The following SAP130 variants were observed in gnomAD, a reference collection of about 807,000 sequenced individuals.
The protein encoded by SAP130 is Sin3A associated protein 130.
In SAP130, 16 loss-of-function variants were observed where a neutral mutation model predicts 103.2. That is an observed-to-expected ratio of 0.16 (90% confidence interval 0.10 to 0.24). The LOEUF (loss-of-function observed/expected upper bound fraction) is 0.24. Among genes scored for constraint, SAP130 ranks in the 10% least tolerant of loss-of-function variants. The pLI is 1.00. For missense variants in SAP130, 990 were observed against 1,359.7 expected (o/e 0.73, Z 4.28); for synonymous variants, 477 against 497.0 (o/e 0.96, Z 0.53).
At chr2:127,984,122 G>C (rs1019352665) in intron 14 of SAP130, among the ~76,000 whole-genome samples, 1 of 151,654 alleles carries the variant, frequency 6.6e-6, no homozygotes, top group African/African-American at 2.4e-5. Context: ...TTTGTTCCAC[G>C]TTTGAGATTT....
intron 7 of SAP130, among the ~76,000 whole-genome samples, chr2:128,003,778 G>A (rs1683745375): frequency 6.6e-6 from 1 of 151,868 alleles, no homozygotes; most frequent in Non-Finnish European, 1.5e-5. Context: ...CGTTTGAGAT[G>A]AGAAGTGTTT....
chr2:128,008,937 A>T (rs902179104), intron 7 of SAP130, among the ~76,000 whole-genome samples: 4 of 151,968 alleles, frequency 2.6e-5, no homozygotes, highest in African/African-American at 9.7e-5. Flanking sequence ...CTCCTGCCTC[A>T]GCCTCCCAAA....
chr2:127,988,543 A>C (rs1281844997), intron 13 of SAP130, among the ~76,000 whole-genome samples: 1 of 152,028 alleles, frequency 6.6e-6, no homozygotes, highest in Non-Finnish European at 1.5e-5. Context: ...ATGGAATCTT[A>C]AATTCAGCCA....
At chr2:127,999,877 C>A in intron 9 of SAP130, 32 bp from the exon 10 acceptor site, 8 of 1,471,012 alleles carry the variant, frequency 5.4e-6, no homozygotes, top group Non-Finnish European at 7.3e-6. Flanking sequence ...AATTCTTTAA[C>A]AAGAACTTCT....
intron 7 of SAP130, among the ~76,000 whole-genome samples, chr2:128,002,433 G>T (rs892110233): frequency 6.6e-6 from 1 of 152,012 alleles, no homozygotes; most frequent in African/African-American, 2.4e-5. Context: ...AGAGGCTGAG[G>T]GAGGAGAATC....
chr2:128,026,441 A>T, intron 1 of SAP130, 143 bp from the exon 2 acceptor site: 1 of 606,968 alleles, frequency 1.6e-6, no homozygotes, highest in Non-Finnish European at 3.0e-6. Context: ...ATAACTTGGG[A>T]TCAATATAAA....
rs916124096 is a variant in SAP130, at chr2:128,028,038, A to C, written c.-105T>G. On this transcript the variant is annotated 5_prime_UTR_variant, in exon 1 of 21. Coordinates refer to ENST00000643581, the MANE Select transcript of SAP130 (RefSeq NM_001330301.2). The stretch of plus-strand genomic sequence containing the variant: ...GTCCCCAGGCTCCGGACCCGCAGCC[A>C]CCGCCGGGGAGCTAGCACTCTGCCC... The C allele has an allele frequency of 1.1e-6, 1 of 941,392 alleles. No individual in the cohort carries two copies. Among genetic ancestry groups the C allele is most frequent in the African/African-American group, 1.8e-5 (1 of 56,314 alleles). The allele number at this position is 941,392 out of a possible 1,614,324, so 58.3% of individuals were successfully genotyped here.
chr2:127,985,882 C>T (rs748169876), intron 14 of SAP130, among the ~76,000 whole-genome samples: 7 of 151,680 alleles, frequency 4.6e-5, no homozygotes, highest in East Asian at 2.0e-4. Flanking sequence ...AGCAGCTGGA[C>T]GGCGAGAGGA....
At chr2:128,011,535 C>A (rs2105171888) in intron 6 of SAP130, among the ~76,000 whole-genome samples, 1 of 152,302 alleles carries the variant, frequency 6.6e-6, no homozygotes, top group South Asian at 2.1e-4. Flanking sequence ...GGCTACAGCA[C>A]CAGCTTCCTC....
At chr2:127,974,779 C>G (rs1315420301) in intron 15 of SAP130, among the ~76,000 whole-genome samples, 1 of 152,210 alleles carries the variant, frequency 6.6e-6, no homozygotes, top group Admixed American at 6.5e-5. Context: ...AGCTACTGCA[C>G]TCTAGCCTGG....
intron 2 of SAP130, among the ~76,000 whole-genome samples, chr2:128,021,456 A>AC (rs1258375917): frequency 1.3e-5 from 2 of 151,902 alleles, no homozygotes; most frequent in Non-Finnish European, 1.5e-5. Flanking sequence ...CAAAAAAAAA[A>AC]AAAAACAAAA....
At position 127,978,071 on chromosome 2, in the gene SAP130, G is replaced by A; in HGVS notation, c.1977C>T (p.Thr659=). ...PATDGMAVRK[T]LIPPQPPDVA... ...CATCAGGAGGCTGAGGAGGAATGAGGGTTTTCCGAACTGCCATTCTGAAAG... is the reference window on the plus strand; with the variant it reads ...CATCAGGAGGCTGAGGAGGAATGAGAGTTTTCCGAACTGCCATTCTGAAAG... The change falls in exon 15 of 21, where the codon ACC becomes ACT. Residue 659 remains threonine, a synonymous_variant. Transcript: ENST00000643581. 3.2e-6 allele frequency: 5 copies of A among 1,551,612 alleles called. No homozygotes were observed. The highest frequency in any genetic ancestry group is 3.5e-6 in the Non-Finnish European group (4 of 1,146,940).
intron 15 of SAP130, among the ~76,000 whole-genome samples, chr2:127,967,128 C>T (rs1350720090): frequency 6.6e-6 from 1 of 152,136 alleles, no homozygotes; most frequent in African/African-American, 2.4e-5. Flanking sequence ...TGAGCAGTTA[C>T]TAATTAAAGG....
intron 14 of SAP130, among the ~76,000 whole-genome samples, chr2:127,984,943 C>A (rs1461494227): frequency 6.6e-6 from 1 of 152,190 alleles, no homozygotes; most frequent in Non-Finnish European, 1.5e-5. Context: ...AAGGACAGAG[C>A]CCCTTCCTTC....
At chr2:128,010,430 A>G in intron 6 of SAP130, 37 bp from the exon 7 acceptor site, 1 of 1,587,584 alleles carries the variant, frequency 6.3e-7, no homozygotes, top group Non-Finnish European at 8.6e-7. Context: ...TTAAAACAAA[A>G]ATAAAATAGA....
At chr2:128,017,572 A>G (rs1684863129) in intron 3 of SAP130, 108 bp downstream of exon 3, 17 of 984,496 alleles carry the variant, frequency 1.7e-5, no homozygotes, top group Non-Finnish European at 2.6e-5. Context: ...CATAAAGAAA[A>G]AATGAAATGT....
chr2:127,950,728 T>C (rs1679441643), intron 16 of SAP130, among the ~76,000 whole-genome samples: 1 of 152,214 alleles, frequency 6.6e-6, no homozygotes. Flanking sequence ...TGTAGCACTT[T>C]TAGCAAATTT....
At chr2:127,977,881 C>A in intron 15 of SAP130, 104 bp downstream of exon 15, 1 of 871,552 alleles carries the variant, frequency 1.1e-6, no homozygotes, top group Non-Finnish European at 1.9e-6. Flanking sequence ...CCAGCCTGGG[C>A]TATATAACCT....
Position 127,989,971 on chromosome 2 carries a change from T to G in SAP130, c.1478-105A>C. ...CGGATTTCCTCCACTGTATAAGATC[T>G]AAATCCATGGTTTGAAAAAAAATAA... is the stretch of plus-strand genomic sequence containing the variant. On this transcript the variant is annotated intron_variant, in intron 12 of 20. Coordinates refer to ENST00000643581, the MANE Select transcript of SAP130 (RefSeq NM_001330301.2). The surrounding 1 kb of genome is among the most constrained non-coding windows in gnomAD (Gnocchi z 4.6). The G allele has an allele frequency of 2.0e-6, 2 of 997,568 alleles. No individual in the cohort carries two copies. The highest frequency in any genetic ancestry group is 1.6e-5 in the African/African-American group (1 of 60,918). 61.8% of individuals were successfully genotyped at this position (997,568 alleles called of 1,614,324 possible). A position where few individuals can be genotyped will look rare whatever the true frequency, so the allele number is the denominator to read the frequency against.
Sources: gnomAD v4.1 joint callset for allele counts (sites outside exome capture counted in the v4.1 genomes callset) on GRCh38, gnomAD v4.1.1 for gene constraint, Gnocchi (gnomAD v3.1) non-coding constraint, MANE v1.5 for transcripts, NCBI Gene and HGNC (gene_info 2026-07-23, HGNC 2026-07-21) for gene names.